NEGR1: variants seen among roughly 807,000 people sequenced by gnomAD.
NEGR1 encodes neuronal growth regulator 1.
In NEGR1, 10 loss-of-function variants were observed where a neutral mutation model predicts 40.9. The ratio of observed to expected loss-of-function variants is 0.24; its 90% CI spans 0.15 to 0.42. The LOEUF (loss-of-function observed/expected upper bound fraction) is 0.42. Ranked by LOEUF, NEGR1 falls within the 10% of genes least tolerant of loss-of-function variation. The pLI is 1.00. For missense variants in NEGR1, 352 were observed against 438.9 expected (o/e 0.80, Z 1.77); for synonymous variants, 185 against 166.8 (o/e 1.11, Z -0.84).
At chr1:72,090,368 A>T (rs970766222) in intron 1 of NEGR1, among the ~76,000 whole-genome samples, 7 of 140,430 alleles carry the variant, frequency 5.0e-5, no homozygotes, top group African/African-American at 2.2e-4. Flanking sequence ...TTTTTCTTAA[A>T]AAAAAAAAAA....
At position 72,026,907 on chromosome 1, in the gene NEGR1, TG is replaced by T. The variant is rs554820857; in HGVS notation, c.177-91597del. 9.2e-5 allele frequency among the ~76,000 whole-genome samples: 14 copies of T among 152,158 alleles called. No homozygotes were observed. The East Asian group carries it at 2.7e-3, about 29-fold the overall frequency. On this transcript the variant is annotated intron_variant, in intron 1 of 6. Transcript: ENST00000357731. ...CCAAAGATAATAGTCTTAAGACTCA[TG>T]TTTTTTTTGTTTTGTTTTGTTTTTT...
At chr1:72,159,330 G>GT (rs1171914722) in intron 1 of NEGR1, among the ~76,000 whole-genome samples, 2 of 152,014 alleles carry the variant, frequency 1.3e-5, no homozygotes, top group Non-Finnish European at 2.9e-5. Flanking sequence ...GCCAAACCAC[G>GT]TAAGTCTTGG....
chr1:72,029,141 A>C (rs957626384), intron 1 of NEGR1, among the ~76,000 whole-genome samples: 1 of 152,130 alleles, frequency 6.6e-6, no homozygotes, highest in African/African-American at 2.4e-5. Flanking sequence ...TGGAGACTAA[A>C]CTAGTGCAAA....
At chr1:72,080,045 T>G (rs1286011992) in intron 1 of NEGR1, among the ~76,000 whole-genome samples, 1 of 152,128 alleles carries the variant, frequency 6.6e-6, no homozygotes, top group Non-Finnish European at 1.5e-5. Flanking sequence ...CTTGAAATAC[T>G]TTATTTAGCA....
At chr1:71,612,901 C>A (rs526710) in intron 4 of NEGR1, among the ~76,000 whole-genome samples, 19,506 of 152,114 alleles carry the variant, frequency 0.13, 3,519 homozygotes, top group African/African-American at 0.4. Context: ...GGAGATAGGA[C>A]CAATTTTCAG....
intron 4 of NEGR1, among the ~76,000 whole-genome samples, chr1:71,638,383 G>A (rs1167704947): frequency 6.6e-6 from 1 of 151,860 alleles, no homozygotes; most frequent in African/African-American, 2.4e-5. Flanking sequence ...GTTTATTATT[G>A]GTAAAATGAG....
rs1405574116 is a variant in NEGR1, at chr1:71,403,769, T to C, written c.*3677A>G. ...ATAAACTGAGTTTATATTCACCTAT[T>C]GGAAACAGTACAACATATTTTACAT... On this transcript the variant is annotated 3_prime_UTR_variant, in exon 7 of 7. Transcript: ENST00000357731. The C allele has an allele frequency of 1.4e-5, 5 of 368,514 alleles. No individual in the cohort carries two copies. The highest frequency in any genetic ancestry group is 9.8e-6 in the Non-Finnish European group (2 of 204,560). 22.8% of individuals were successfully genotyped at this position (368,514 alleles called of 1,614,324 possible). A position where few individuals can be genotyped will look rare whatever the true frequency, so the allele number is the denominator to read the frequency against.
chr1:71,597,301 T>C (rs1428835452), intron 5 of NEGR1, among the ~76,000 whole-genome samples: 2 of 151,848 alleles, frequency 1.3e-5, no homozygotes, highest in African/African-American at 2.4e-5. Flanking sequence ...GACATAGTTA[T>C]TACCTCAAGG....
At chr1:71,894,342 A>G (rs929629050) in intron 2 of NEGR1, among the ~76,000 whole-genome samples, 4 of 152,220 alleles carry the variant, frequency 2.6e-5, no homozygotes, top group Non-Finnish European at 5.9e-5. Context: ...TAGTTCAAGA[A>G]TCAGGGGAAC....
chr1:71,407,382 C>T lies in NEGR1; in HGVS notation c.*64G>A. 2 of 1,526,386 alleles carry T rather than the reference C, an allele frequency of 1.3e-6. No individual in the cohort carries two copies. Among genetic ancestry groups the T allele is most frequent in the South Asian group, 2.3e-5 (2 of 85,592 alleles). 94.6% of individuals were successfully genotyped at this position (1,526,386 alleles called of 1,614,324 possible). A position where few individuals can be genotyped will look rare whatever the true frequency, so the allele number is the denominator to read the frequency against. Reference sequence around the variant, plus strand: ...CCACGCTGCTTTTAACAAACTGTACCAGATTGGATCCAGCCATCAGCACTT... The same window carrying T: ...CCACGCTGCTTTTAACAAACTGTACTAGATTGGATCCAGCCATCAGCACTT... On this transcript the variant is annotated 3_prime_UTR_variant, in exon 7 of 7. Transcript: ENST00000357731.
rs946058281 is a variant in NEGR1 at position 71,573,255 on chromosome 1, T to C, written c.940+19562A>G. Among the ~76,000 whole-genome samples the C allele has an allele frequency of 8.5e-5, 13 of 152,196 alleles. 1 individual carries two copies. In the South Asian group the frequency reaches 1.7e-3, roughly 19 times the overall value. On this transcript the variant is annotated intron_variant, in intron 6 of 6. Coordinates refer to ENST00000357731, the MANE Select transcript of NEGR1 (RefSeq NM_173808.3). Reference sequence around the variant, plus strand: ...GAGGGAAAAGGAATGAATTTGAAGATTGATACGAAGTATGTACCACTCAGA... The same window carrying C: ...GAGGGAAAAGGAATGAATTTGAAGACTGATACGAAGTATGTACCACTCAGA...
chr1:71,508,336 G>T (rs764920774), intron 6 of NEGR1, among the ~76,000 whole-genome samples: 13 of 152,112 alleles, frequency 8.5e-5, no homozygotes, highest in Non-Finnish European at 1.9e-4. Context: ...CAGGAGGGAG[G>T]GAAAAAGACT....
At chr1:72,171,875 C>G (rs1651976540) in intron 1 of NEGR1, among the ~76,000 whole-genome samples, 1 of 152,120 alleles carries the variant, frequency 6.6e-6, no homozygotes, top group African/African-American at 2.4e-5. Flanking sequence ...CCTTCAACAA[C>G]TAAACATTTT....
intron 2 of NEGR1, among the ~76,000 whole-genome samples, chr1:71,860,585 T>G (rs551438720): frequency 6.6e-6 from 1 of 152,028 alleles, no homozygotes; most frequent in Non-Finnish European, 1.5e-5. Context: ...TATCACAAAA[T>G]ACAATGATAG....
At chr1:72,079,940 T>C (rs920016548) in intron 1 of NEGR1, among the ~76,000 whole-genome samples, 4 of 152,134 alleles carry the variant, frequency 2.6e-5, no homozygotes, top group African/African-American at 9.7e-5. Flanking sequence ...AATCCGAGAT[T>C]ATATTTGCCT....
intron 6 of NEGR1, among the ~76,000 whole-genome samples, chr1:71,577,484 G>C (rs1649002287): frequency 6.6e-6 from 1 of 152,160 alleles, no homozygotes; most frequent in Admixed American, 6.5e-5. Flanking sequence ...AGATGACTAT[G>C]TATCTCCTGG....
intron 1 of NEGR1, among the ~76,000 whole-genome samples, chr1:72,114,962 A>C (rs1179945904): frequency 1.3e-5 from 2 of 151,782 alleles, no homozygotes; most frequent in Non-Finnish European, 2.9e-5. Context: ...ACACCGTGTT[A>C]TATTTGTCAC....
At position 71,928,440 on chromosome 1, in the gene NEGR1, A is replaced by ATGTGTATG. The variant is rs1557439311; in HGVS notation, c.409+6638_409+6639insCATACACA. On this transcript the variant is annotated intron_variant, in intron 2 of 6. Coordinates refer to ENST00000357731, the MANE Select transcript of NEGR1 (RefSeq NM_173808.3). ...TATACACACATATGTATATATACAC[A>ATGTGTATG]TATATATGTATATATACACACATAC... Among the ~76,000 whole-genome samples the ATGTGTATG allele has an allele frequency of 1.1e-4, 11 of 98,524 alleles. No individual in the cohort carries two copies. In the South Asian group the frequency reaches 1.3e-3, roughly 11 times the overall value. 64.6% of individuals were successfully genotyped at this position (98,524 alleles called of 152,430 possible).
At chr1:71,532,494 A>G (rs1246695276) in intron 6 of NEGR1, among the ~76,000 whole-genome samples, 1 of 151,634 alleles carries the variant, frequency 6.6e-6, no homozygotes, top group Non-Finnish European at 1.5e-5. Flanking sequence ...TAATGATTTT[A>G]TAACAATGGA....
Sources: gnomAD v4.1 joint callset for allele counts (sites outside exome capture counted in the v4.1 genomes callset) on GRCh38, gnomAD v4.1.1 for gene constraint, MANE v1.5 for transcripts, NCBI Gene and HGNC (gene_info 2026-07-23, HGNC 2026-07-21) for gene names.